CCDC171: variants seen among roughly 807,000 people sequenced by gnomAD.
CCDC171 encodes the protein coiled-coil domain-containing protein 171.
CCDC171 carries 177 observed loss-of-function variants against 168.2 expected under a neutral mutation model. That is an observed-to-expected ratio of 1.05 (90% confidence interval 0.93 to 1.19). The LOEUF is 1.19. Among genes scored for constraint, CCDC171 ranks in the 50% most tolerant of loss-of-function variants. The pLI is 0.00. For missense variants in CCDC171, 1,991 were observed against 1,539.0 expected (o/e 1.29, Z -4.91); for synonymous variants, 687 against 540.8 (o/e 1.27, Z -3.75).
chr9:15,699,173 C>A (rs2051471782), intron 11 of CCDC171, among the ~76,000 whole-genome samples: 1 of 151,936 alleles, frequency 6.6e-6, no homozygotes, highest in Admixed American at 6.6e-5. Context: ...CTGGTGGGTT[C>A]TTGGTCTCGC....
At chr9:15,860,741 A>T (rs1407846269) in intron 23 of CCDC171, among the ~76,000 whole-genome samples, 1 of 151,816 alleles carries the variant, frequency 6.6e-6, no homozygotes, top group African/African-American at 2.4e-5. Context: ...GTATACTGGA[A>T]CGGTCTACGT....
chr9:15,981,215 C>T (rs1831787003), intron 3 of CCDC171, among the ~76,000 whole-genome samples: 1 of 152,096 alleles, frequency 6.6e-6, no homozygotes, highest in African/African-American at 2.4e-5. Flanking sequence ...GATATAGGCT[C>T]TTTGGGAGGT....
intron 4 of CCDC171, chr9:15,587,489 A>T (rs1441589176): frequency 2.7e-6 from 1 of 364,178 alleles, no homozygotes; most frequent in Non-Finnish European, 5.5e-6. Flanking sequence ...AGCCATGTGA[A>T]ACTGTAAGTC....
intron 25 of CCDC171, among the ~76,000 whole-genome samples, chr9:15,969,171 C>G (rs1200348227): frequency 2.0e-5 from 3 of 151,900 alleles, no homozygotes; most frequent in African/African-American, 4.8e-5. Flanking sequence ...GTTATTTAGT[C>G]AAAAATATTA....
rs139398371 is a variant in CCDC171 at position 15,896,156 on chromosome 9, G to A, written c.3600+21493G>A. Among the ~76,000 whole-genome samples, 559 of 152,032 alleles carry A rather than the reference G, an allele frequency of 3.7e-3. 3 individuals are homozygous for A. The highest frequency in any genetic ancestry group is 0.01 in the Middle Eastern group (3 of 294). On this transcript the variant is annotated intron_variant, in intron 24 of 25. Transcript: ENST00000380701. ...AATAATCACCATCAATCTAGAAGCT[G>A]CATTTGCCCTTAGAATTAGCCTTGA...
At chr9:16,041,712 T>C (rs1314521768), upstream of CCDC171, among the ~76,000 whole-genome samples, 1 of 152,236 alleles carries the variant, frequency 6.6e-6, no homozygotes, top group Non-Finnish European at 1.5e-5. Flanking sequence ...TCCTTATTGG[T>C]GATTTCGTAA....
intron 21 of CCDC171, among the ~76,000 whole-genome samples, chr9:15,794,966 G>T (rs79614735): frequency 0.031 from 4,690 of 152,290 alleles, 122 homozygotes; most frequent in Middle Eastern, 0.082. Context: ...TCAGGATTTT[G>T]CTAACATGAA....
intron 21 of CCDC171, among the ~76,000 whole-genome samples, chr9:15,812,948 G>A (rs1022467811): frequency 6.6e-6 from 1 of 152,200 alleles, no homozygotes; most frequent in African/African-American, 2.4e-5. Flanking sequence ...TAACTACTGA[G>A]CACTATCAGA....
At chr9:15,912,342 C>G (rs943368521) in intron 24 of CCDC171, among the ~76,000 whole-genome samples, 3 of 152,086 alleles carry the variant, frequency 2.0e-5, no homozygotes, top group Admixed American at 1.3e-4. Flanking sequence ...TTATTTGGCT[C>G]TCTGTTTGTC....
At chr9:15,886,951 C>T (rs964561947) in intron 24 of CCDC171, 1 of 151,978 alleles carries the variant, frequency 6.6e-6, no homozygotes, top group African/African-American at 2.4e-5. Flanking sequence ...CTCACAGAAA[C>T]AGAGTAGAAG....
At chr9:15,560,956 C>G (rs1473428524) in intron 1 of CCDC171, among the ~76,000 whole-genome samples, 1 of 152,156 alleles carries the variant, frequency 6.6e-6, no homozygotes, top group Non-Finnish European at 1.5e-5. Flanking sequence ...TCAGGACCCT[C>G]AGCTGCAGGT....
At chr9:15,699,350 C>G (rs936971740) in intron 11 of CCDC171, among the ~76,000 whole-genome samples, 1 of 152,128 alleles carries the variant, frequency 6.6e-6, no homozygotes, top group African/African-American at 2.4e-5. Flanking sequence ...AGTGTGGACC[C>G]AAAGAGTGAG....
intron 7 of CCDC171, among the ~76,000 whole-genome samples, chr9:15,630,019 T>A (rs186432938): frequency 6.6e-6 from 1 of 152,150 alleles, no homozygotes; most frequent in Non-Finnish European, 1.5e-5. Flanking sequence ...CAAGAGCTCC[T>A]GAAGGAAGCA....
rs116220864 is a variant in CCDC171, at chr9:15,660,981, C to G, written c.915+3762C>G. ...CTTTTCTCAGCAGCCTCACCAGCAT[C>G]TTAACATGCTGTTTTTTTGCCGGGC... On this transcript the variant is annotated intron_variant, in intron 8 of 25. Transcript: ENST00000380701. Among the ~76,000 whole-genome samples the G allele has an allele frequency of 5.2e-3, 796 of 152,282 alleles. 5 individuals are homozygous for G. The highest frequency in any genetic ancestry group is 0.019 in the African/African-American group (777 of 41,564).
chr9:15,591,745 T>C (rs772135362), intron 5 of CCDC171, among the ~76,000 whole-genome samples, 189 bp downstream of exon 5: 1 of 152,064 alleles, frequency 6.6e-6, no homozygotes, highest in Non-Finnish European at 1.5e-5. Context: ...GTATACTTTT[T>C]GGGGTGAAAA....
chr9:15,914,234 C>T (rs1353320861), intron 24 of CCDC171, among the ~76,000 whole-genome samples: 1 of 152,176 alleles, frequency 6.6e-6, no homozygotes, highest in South Asian at 2.1e-4. Flanking sequence ...TCTGCTGAAG[C>T]TGTGCCCACA....
chr9:15,829,069 A>G (rs758885174), intron 21 of CCDC171, among the ~76,000 whole-genome samples: 7 of 152,216 alleles, frequency 4.6e-5, no homozygotes, highest in Admixed American at 4.6e-4. Flanking sequence ...TCTCTGATCA[A>G]TACTTCAAAT....
the CCDC171 span, among the ~76,000 whole-genome samples, chr9:16,100,236 A>C: frequency 6.6e-6 from 1 of 152,196 alleles, no homozygotes; most frequent in African/African-American, 2.4e-5. Context: ...TAAAAAGGGA[A>C]GCAGCAAAAT....
At chr9:15,599,018 G>C (rs535623241) in intron 6 of CCDC171, among the ~76,000 whole-genome samples, 16 of 151,870 alleles carry the variant, frequency 1.1e-4, no homozygotes, top group Non-Finnish European at 1.6e-4. Flanking sequence ...TTCCTCCATC[G>C]CTTTATTTTG....
Sources: allele counts gnomAD v4.1 joint callset (sites outside exome capture counted in the v4.1 genomes callset), GRCh38; gene constraint gnomAD v4.1.1; transcripts MANE v1.5; gene names NCBI Gene and HGNC (gene_info 2026-07-23, HGNC 2026-07-21).